The following WNK2 variants were observed in gnomAD, a reference collection of about 807,000 sequenced individuals.
WNK2 encodes serine/threonine-protein kinase WNK2.
In WNK2, 67 loss-of-function variants were observed where a neutral mutation model predicts 192.1. The ratio of observed to expected loss-of-function variants is 0.35; its 90% CI spans 0.29 to 0.43. WNK2 has a LOEUF of 0.43. Among genes scored for constraint, WNK2 ranks in the 20% least tolerant of loss-of-function variants. The pLI is 1.00. For synonymous variants in WNK2, 1,439 were observed against 1,393.9 expected (o/e 1.03, Z -0.72); for missense variants, 2,698 against 3,089.7 (o/e 0.87, Z 3.01).
chr9:93,212,076 A>G (rs1294826238), intron 2 of WNK2, among the ~76,000 whole-genome samples: 1 of 152,074 alleles, frequency 6.6e-6, no homozygotes, highest in Non-Finnish European at 1.5e-5. Flanking sequence ...TTATTCATCT[A>G]CTCATTCATC....
chr9:93,306,985 G>A, intron 27 of WNK2, 164 bp downstream of exon 27: 1 of 829,386 alleles, frequency 1.2e-6, no homozygotes, highest in Non-Finnish European at 2.0e-6. Flanking sequence ...CTTCTGCCTG[G>A]CGGGATCGCT....
Position 93,257,018 on chromosome 9 carries a change from C to A in WNK2, c.2261C>A (p.Pro754Gln), listed in dbSNP as rs747413805. Residue 754 changes from proline (P) to glutamine (Q), a missense_variant, in exon 11 of 30, where the codon CCG (proline) becomes CAG (glutamine). Pro to Gln is a moderately conservative substitution (Grantham distance 76). This residue lies in a region of WNK2 where 893 missense variants were observed against 909.0 expected (regional missense o/e 0.98). Transcript: ENST00000427277. This position sits in a 1 kb window ranked among gnomAD's most constrained non-coding sequence, Gnocchi z 4.7. The part of the protein sequence containing the change: ...LAPQPVVPLQ[P>Q]VPPHLPPYLA... ...CCACAGCCCGTGGTCCCCCTCCAGC[C>A]GGTTCCCCCCCACCTGCCACCGTAC... 1 of 1,603,258 alleles carries A rather than the reference C, an allele frequency of 6.2e-7. No homozygotes were observed. Among genetic ancestry groups the A allele is most frequent in the Admixed American group, 1.7e-5 (1 of 59,166 alleles).
chr9:93,269,078 C>T, intron 19 of WNK2: 1 of 828,286 alleles, frequency 1.2e-6, no homozygotes, highest in Middle Eastern at 2.9e-4. Flanking sequence ...TCCCTTTCCT[C>T]TGTGCCGCAC....
chr9:93,244,820 C>T (rs765532825), intron 7 of WNK2, among the ~76,000 whole-genome samples: 14 of 152,326 alleles, frequency 9.2e-5, no homozygotes, highest in Non-Finnish European at 1.6e-4. Context: ...GGTTGGAGCC[C>T]GTTCTCTGAG....
At chr9:93,274,539 GAAA>G (rs1350126013) in intron 19 of WNK2, among the ~76,000 whole-genome samples, 5 of 115,992 alleles carry the variant, frequency 4.3e-5, no homozygotes, top group Non-Finnish European at 7.3e-5. Flanking sequence ...AAAAAAAAAA[GAAA>G]AAAAACACAT....
chr9:93,292,939 C>T lies in WNK2; in HGVS notation c.5474C>T (p.Ser1825Phe), dbSNP rs551004147. ...AGACCCCCGGTGCAGAAGCAGGCGT[C>T]CCTGCCCGTGAGTGGCAGCGTGGCT... ...RARPPVQKQA[S>F]LPVSGSVAGD... Residue 1825 changes from serine (S) to phenylalanine (F), a missense_variant, in exon 23 of 30, where the codon TCC (serine) becomes TTC (phenylalanine). By Grantham distance (155) the Ser-to-Phe change is radical. Transcript: ENST00000427277. The T allele has an allele frequency of 1.3e-5, 20 of 1,531,788 alleles. No homozygotes were observed. In the African/African-American group the frequency reaches 2.5e-4, roughly 19 times the overall value. The allele number at this position is 1,531,788 out of a possible 1,614,324, so 94.9% of individuals were successfully genotyped here.
At position 93,299,062 on chromosome 9, in the gene WNK2, C is replaced by G. The variant is rs377392911; in HGVS notation, c.5924-8C>G. 6.2e-7 allele frequency: 1 copy of G among 1,607,748 alleles called. No individual in the cohort carries two copies. The highest frequency in any genetic ancestry group is 1.3e-5 in the African/African-American group (1 of 74,940). On this transcript the variant is annotated splice_region_variant and splice_polypyrimidine_tract_variant and intron_variant, in intron 24 of 29. Coordinates refer to ENST00000427277, the MANE Select transcript of WNK2 (RefSeq NM_006648.4). ...ATCGTGCCTGTCGCCTCTTCTCCCC[C>G]CGCCCAGGTCACTTGGCTGACTCCA...
At chr9:93,235,909 AT>A (rs1839744360) in intron 5 of WNK2, among the ~76,000 whole-genome samples, 1 of 152,146 alleles carries the variant, frequency 6.6e-6, no homozygotes, top group Non-Finnish European at 1.5e-5. Context: ...CTCCTTGCAG[AT>A]TACCTGCATT....
At chr9:93,205,046 T>TA (rs913801558) in intron 2 of WNK2, among the ~76,000 whole-genome samples, 2 of 152,214 alleles carry the variant, frequency 1.3e-5, no homozygotes, top group Non-Finnish European at 2.9e-5. Context: ...CACTCTATAA[T>TA]ATGTTGAACA....
rs575681480 is a variant in WNK2 at position 93,264,595 on chromosome 9, C to A, written c.3696+562C>A. 3.3e-5 allele frequency among the ~76,000 whole-genome samples: 5 copies of A among 152,310 alleles called. No homozygotes were observed. The South Asian group carries it at 1.0e-3, about 32-fold the overall frequency. On this transcript the variant is annotated intron_variant, in intron 16 of 29. Coordinates refer to ENST00000427277, the MANE Select transcript of WNK2 (RefSeq NM_006648.4). The stretch of plus-strand genomic sequence containing the variant: ...CCTGAGCCAGGCTAGGAGTGGGGAT[C>A]GTTTTCGGGCCCTCAGAAACTCTCC...
chr9:93,207,925 G>A (rs1439831588), intron 2 of WNK2, among the ~76,000 whole-genome samples: 1 of 152,222 alleles, frequency 6.6e-6, no homozygotes, highest in African/African-American at 2.4e-5. Flanking sequence ...GTGGACTTTA[G>A]GGGGACAGCT....
In WNK2 at chr9:93,264,646, T is replaced by C. The variant is rs114646810; in HGVS notation, c.3696+613T>C. 4.2e-3 allele frequency among the ~76,000 whole-genome samples: 637 copies of C among 152,256 alleles called. 5 individuals are homozygous for C. Among genetic ancestry groups the C allele is most frequent in the African/African-American group, 0.015 (607 of 41,538 alleles). ...AGCTGAAAGCACGCACGAAGAAACA[T>C]GGAAAGGATGTACATGTGGTCCTCA... On this transcript the variant is annotated intron_variant, in intron 16 of 29. Transcript: ENST00000427277.
intron 29 of WNK2, chr9:93,318,879 C>T: frequency 7.1e-7 from 1 of 1,402,678 alleles, no homozygotes; most frequent in South Asian, 1.7e-5. Context: ...AAGCAGACTG[C>T]TTGGGACTGC....
chr9:93,229,742 C>G lies in WNK2; in HGVS notation c.728C>G (p.Ala243Gly), dbSNP rs1399640588. ...KLERQRFKEEAEMLKGLQHPN... is the reference protein window; with the variant it reads ...KLERQRFKEEGEMLKGLQHPN... Reference sequence around the variant, plus strand: ...GAGCGGCAGCGGTTCAAGGAAGAGGCTGAGATGCTGAAAGGCCTGCAGCAC... The same window carrying G: ...GAGCGGCAGCGGTTCAAGGAAGAGGGTGAGATGCTGAAAGGCCTGCAGCAC... The change falls in exon 3 of 30, where the codon GCT becomes GGT. Residue 243 changes from alanine to glycine, a missense_variant. Ala to Gly is a moderately conservative substitution (Grantham distance 60, BLOSUM62 0). Around this residue, in one of 7 missense-constraint regions of WNK2, gnomAD observed 230 missense variants for 501.1 expected, o/e 0.46. Transcript: ENST00000427277. This position sits in a 1 kb window ranked among gnomAD's most constrained non-coding sequence, Gnocchi z 4.9. 6.2e-7 allele frequency: 1 copy of G among 1,613,608 alleles called. No homozygotes were observed.
chr9:93,257,205 T>C lies in WNK2; in HGVS notation c.2382+66T>C, dbSNP rs1843455433. The C allele has an allele frequency of 1.3e-6, 2 of 1,515,528 alleles. No homozygotes were observed. Among genetic ancestry groups the C allele is most frequent in the Admixed American group, 2.1e-5 (1 of 47,136 alleles). The allele number at this position is 1,515,528 out of a possible 1,614,324, so 93.9% of individuals were successfully genotyped here. On this transcript the variant is annotated intron_variant, in intron 11 of 29. Coordinates refer to ENST00000427277, the MANE Select transcript of WNK2 (RefSeq NM_006648.4). The surrounding 1 kb of genome is among the most constrained non-coding windows in gnomAD (Gnocchi z 4.7). ...CTTTGCCAGGCCCTGGCTGGTGCAC[T>C]AGGACACCCACAGAGGGGGTTGTCT...
In WNK2 at chr9:93,288,878, A is replaced by T. The variant is rs773350361; in HGVS notation, c.4124A>T (p.Asn1375Ile). 6.2e-7 allele frequency: 1 copy of T among 1,610,738 alleles called. No homozygotes were observed. The highest frequency in any genetic ancestry group is 8.5e-7 in the Non-Finnish European group (1 of 1,179,120). Residue 1375 changes from asparagine to isoleucine, a missense_variant, in exon 20 of 30, where the codon AAC (asparagine) becomes ATC (isoleucine). Around this residue, in one of 7 missense-constraint regions of WNK2, gnomAD observed 1,098 missense variants for 1,101.0 expected, o/e 1.00. Transcript: ENST00000427277. ...QQLLSQAGPS[N>I]PPGAPPAPLA... ...CTCCTGAGCCAGGCGGGCCCCAGCA[A>T]CCCTCCTGGGGCACCCCCAGCCCCT...
intron 29 of WNK2, chr9:93,318,115 G>A (rs1370674633): frequency 6.4e-6 from 10 of 1,559,674 alleles, no homozygotes; most frequent in South Asian, 1.2e-5. Context: ...CAGAAGTACA[G>A]TGCCTTGAAT....
chr9:93,203,616 A>G (rs926069761), intron 2 of WNK2, among the ~76,000 whole-genome samples: 2 of 152,084 alleles, frequency 1.3e-5, no homozygotes, highest in Non-Finnish European at 2.9e-5. Flanking sequence ...AGATGGGATT[A>G]AGTTAAGTAT....
chr9:93,310,301 C>T (rs975894533), intron 28 of WNK2, among the ~76,000 whole-genome samples: 1 of 152,214 alleles, frequency 6.6e-6, no homozygotes, highest in African/African-American at 2.4e-5. Context: ...CGAGGCTGCA[C>T]CCGGAGCCTG....
Sources: allele counts gnomAD v4.1 joint callset (sites outside exome capture counted in the v4.1 genomes callset), GRCh38; gene constraint gnomAD v4.1.1; regional missense constraint gnomAD v4.1.1; non-coding constraint Gnocchi (gnomAD v3.1); transcripts MANE v1.5; gene names NCBI Gene and HGNC (gene_info 2026-07-23, HGNC 2026-07-21).